The following IMMP2L variants were observed in gnomAD, a reference collection of about 807,000 sequenced individuals.
IMMP2L encodes inner mitochondrial membrane peptidase subunit 2.
A neutral mutation model predicts 19.3 loss-of-function variants in IMMP2L; 18 were observed. That is an observed-to-expected ratio of 0.93 (90% CI 0.64 to 1.38). The LOEUF (loss-of-function observed/expected upper bound fraction) is 1.38, where lower values mean the gene tolerates loss of function less well. Ranked by LOEUF, IMMP2L falls within the 40% of genes most tolerant of loss-of-function variation. IMMP2L has a pLI of 0.00. For synonymous variants in IMMP2L, 76 were observed against 73.0 expected, an observed-to-expected ratio of 1.04 and a Z score of -0.21; for missense variants, 233 against 218.2, an observed-to-expected ratio of 1.07 and a Z score of -0.43.
At chr7:110,768,112 G>C (rs1720654454) in intron 5 of IMMP2L, among the ~76,000 whole-genome samples, 1 of 152,036 alleles carries the variant, frequency 6.6e-6, no homozygotes, top group Non-Finnish European at 1.5e-5. Flanking sequence ...AAACAGATAA[G>C]AGAGCTTTAC....
chr7:111,420,951 T>C (rs1172125340), intron 3 of IMMP2L, among the ~76,000 whole-genome samples: 1 of 151,854 alleles, frequency 6.6e-6, no homozygotes, highest in Non-Finnish European at 1.5e-5. Context: ...CAAATGGTAA[T>C]TCTAGTTCTA....
intron 5 of IMMP2L, among the ~76,000 whole-genome samples, chr7:110,677,657 C>T (rs75517381): frequency 0.11 from 16,749 of 151,890 alleles, 1,168 homozygotes; most frequent in South Asian, 0.26. Flanking sequence ...GTGAGCATCA[C>T]GTGCCAAAGA....
chr7:110,844,643 T>A (rs187003009), intron 5 of IMMP2L, among the ~76,000 whole-genome samples: 23 of 144,178 alleles, frequency 1.6e-4, no homozygotes, highest in African/African-American at 5.7e-4. Context: ...AATCTAGTCC[T>A]ACGCAGAAGA....
chr7:110,693,211 G>C (rs1793632926), intron 5 of IMMP2L, among the ~76,000 whole-genome samples: 1 of 152,156 alleles, frequency 6.6e-6, no homozygotes, highest in Non-Finnish European at 1.5e-5. Context: ...TTCTTAAGAA[G>C]GGCAGAGGTT....
intron 3 of IMMP2L, among the ~76,000 whole-genome samples, chr7:111,214,540 A>G (rs1487770873): frequency 7.3e-6 from 1 of 136,438 alleles, no homozygotes; most frequent in African/African-American, 2.7e-5. Context: ...TGTAGTAGAG[A>G]CAGGGTTTCA....
intron 3 of IMMP2L, among the ~76,000 whole-genome samples, chr7:111,075,406 G>T (rs572527524): frequency 6.6e-6 from 1 of 152,248 alleles, no homozygotes; most frequent in East Asian, 1.9e-4. Flanking sequence ...GGGATTACAG[G>T]TGTGAGCCAC....
intron 5 of IMMP2L, among the ~76,000 whole-genome samples, chr7:110,823,512 G>C (rs1192337483): frequency 2.0e-5 from 3 of 151,836 alleles, no homozygotes; most frequent in African/African-American, 7.3e-5. Flanking sequence ...TTATCTGACA[G>C]GAAAAGTTTA....
chr7:111,315,969 C>G (rs576349103), intron 3 of IMMP2L, among the ~76,000 whole-genome samples: 56 of 152,222 alleles, frequency 3.7e-4, no homozygotes, highest in African/African-American at 1.3e-3. Context: ...GCGAACATCA[C>G]AGGGTATACT....
At chr7:111,174,371 C>G (rs1466061798) in intron 3 of IMMP2L, among the ~76,000 whole-genome samples, 5 of 151,672 alleles carry the variant, frequency 3.3e-5, no homozygotes, top group Non-Finnish European at 7.4e-5. Context: ...AGTCTTCTGA[C>G]TCCTAATTCA....
At chr7:111,114,354 G>A (rs1799595062) in intron 3 of IMMP2L, among the ~76,000 whole-genome samples, 3 of 152,136 alleles carry the variant, frequency 2.0e-5, no homozygotes, top group Non-Finnish European at 2.9e-5. Context: ...CACATAAAAC[G>A]TGAATAAGCA....
intron 4 of IMMP2L, among the ~76,000 whole-genome samples, chr7:110,930,284 G>T (rs139227057): frequency 6.6e-6 from 1 of 151,550 alleles, no homozygotes; most frequent in Non-Finnish European, 1.5e-5. Flanking sequence ...GTTTTGTCCT[G>T]TGGTTTTGGA....
rs1197750560 is a variant in IMMP2L at position 110,939,554 on chromosome 7, A to C, written c.305+23946T>G. On this transcript the variant is annotated intron_variant, in intron 4 of 5. Coordinates refer to ENST00000405709, the MANE Select transcript of IMMP2L (RefSeq NM_032549.4). ...CTGTAAAGTTAGTGTTGACAACAGC[A>C]TGAAGCACTGAATGAAGCTCCCCTT... Among the ~76,000 whole-genome samples the C allele has an allele frequency of 3.3e-5, 5 of 152,172 alleles. No individual in the cohort carries two copies. In the East Asian group the frequency reaches 9.6e-4, roughly 29 times the overall value.
At chr7:111,111,410 CA>C (rs1478043099) in intron 3 of IMMP2L, among the ~76,000 whole-genome samples, 9 of 148,586 alleles carry the variant, frequency 6.1e-5, no homozygotes, top group South Asian at 4.3e-4. Flanking sequence ...CATCCCCCCC[CA>C]AAAAAAAATG....
intron 3 of IMMP2L, among the ~76,000 whole-genome samples, chr7:111,431,021 C>T (rs1041944412): frequency 2.0e-5 from 3 of 151,756 alleles, no homozygotes; most frequent in African/African-American, 7.3e-5. Flanking sequence ...GCATGAGAAT[C>T]GCTTGAACCT....
chr7:111,227,988 C>T lies in IMMP2L; in HGVS notation c.239+259250G>A, dbSNP rs1002798907. Among the ~76,000 whole-genome samples the T allele has an allele frequency of 2.0e-5, 3 of 152,098 alleles. No individual in the cohort carries two copies. In the South Asian group the frequency reaches 6.2e-4, roughly 32 times the overall value. On this transcript the variant is annotated intron_variant, in intron 3 of 5. Transcript: ENST00000405709. Reference sequence around the variant, plus strand: ...AACCTAATATGACAAGTTTTGATTTCGACAGCATGTAGTGATTTCAGAACC... The same window carrying T: ...AACCTAATATGACAAGTTTTGATTTTGACAGCATGTAGTGATTTCAGAACC...
intron 3 of IMMP2L, among the ~76,000 whole-genome samples, chr7:111,328,660 C>T (rs1189611713): frequency 1.3e-5 from 2 of 151,696 alleles, no homozygotes; most frequent in Non-Finnish European, 2.9e-5. Context: ...TGCTCATGCC[C>T]ATGGGTGGGA....
intron 2 of IMMP2L, among the ~76,000 whole-genome samples, chr7:111,507,842 A>G (rs1053878168): frequency 1.3e-5 from 2 of 152,166 alleles, no homozygotes; most frequent in African/African-American, 4.8e-5. Flanking sequence ...CTGGGGCTGG[A>G]AGGCCAGGAT....
At position 111,182,098 on chromosome 7, in the gene IMMP2L, A is replaced by G. The variant is rs147663237; in HGVS notation, c.240-218533T>C. Among the ~76,000 whole-genome samples the G allele has an allele frequency of 6.6e-3, 999 of 152,132 alleles. 3 individuals carry two copies. Among genetic ancestry groups the G allele is most frequent in the Middle Eastern group, 0.024 (7 of 294 alleles). On this transcript the variant is annotated intron_variant, in intron 3 of 5. Coordinates refer to ENST00000405709, the MANE Select transcript of IMMP2L (RefSeq NM_032549.4). Reference sequence around the variant, plus strand: ...AAGTGTCAGAAGAGGGAATAAGTCCATGGAATTGATACATAAAATGAAGAC... The same window carrying G: ...AAGTGTCAGAAGAGGGAATAAGTCCGTGGAATTGATACATAAAATGAAGAC...
At chr7:111,397,196 ATATAC>A (rs1462488507) in intron 3 of IMMP2L, among the ~76,000 whole-genome samples, 4 of 152,136 alleles carry the variant, frequency 2.6e-5, no homozygotes, top group South Asian at 4.1e-4. Context: ...ATCTAGACAT[ATATAC>A]TATATTTTTC....
Sources: gnomAD v4.1 joint callset for allele counts (sites outside exome capture counted in the v4.1 genomes callset) on GRCh38, gnomAD v4.1.1 for gene constraint, MANE v1.5 for transcripts, NCBI Gene and HGNC (gene_info 2026-07-23, HGNC 2026-07-21) for gene names.